BCAP29: variants seen among roughly 807,000 people sequenced by gnomAD.
BCAP29 encodes B cell receptor associated protein 29, also known as B-cell receptor-associated protein 29.
BCAP29 carries 34 observed loss-of-function variants against 31.8 expected under a neutral mutation model. The ratio of observed to expected loss-of-function variants is 1.07; its 90% confidence interval spans 0.81 to 1.42. The LOEUF is 1.42. Ranked by LOEUF, BCAP29 falls within the 40% of genes most tolerant of loss-of-function variation. The pLI is 0.00. For missense variants in BCAP29, 314 were observed against 269.2 expected (o/e 1.17, Z -1.16); for synonymous variants, 104 against 91.3 (o/e 1.14, Z -0.79).
intron 7 of BCAP29, chr7:107,615,948 A>G (rs1814053116): frequency 6.6e-6 from 1 of 152,470 alleles, no homozygotes. Context: ...TATCGAAAGT[A>G]ACTAGAAAGT....
chr7:107,606,693 CTGTTTG>C (rs1812159765), intron 6 of BCAP29, among the ~76,000 whole-genome samples: 1 of 152,106 alleles, frequency 6.6e-6, no homozygotes, highest in Non-Finnish European at 1.5e-5. Context: ...TAGAGCGTGG[CTGTTTG>C]TTTAGAACAT....
intron 6 of BCAP29, among the ~76,000 whole-genome samples, chr7:107,613,078 T>TA (rs1813520471): frequency 6.6e-6 from 1 of 151,670 alleles, no homozygotes; most frequent in African/African-American, 2.4e-5. Context: ...TGTTAGATAA[T>TA]ATTTTGTTTC....
chr7:107,591,025 A>G (rs1318719252), intron 3 of BCAP29, among the ~76,000 whole-genome samples: 2 of 152,196 alleles, frequency 1.3e-5, no homozygotes, highest in Non-Finnish European at 2.9e-5. Context: ...TCCTTTTCTA[A>G]GTACACCAAG....
downstream of BCAP29, chr7:107,621,378 G>T: frequency 2.4e-5 from 4 of 167,452 alleles, no homozygotes; most frequent in Non-Finnish European, 5.1e-5. Flanking sequence ...TTACTTTCAC[G>T]GTGTTTCTTT....
At chr7:107,605,991 G>C (rs1332074633) in intron 6 of BCAP29, among the ~76,000 whole-genome samples, 8 of 151,996 alleles carry the variant, frequency 5.3e-5, no homozygotes, top group Non-Finnish European at 1.0e-4. Context: ...AATTTCTTTT[G>C]CTTAATGAAA....
rs1814690592 is a variant in BCAP29, at chr7:107,619,226, C to T, written c.*863C>T. 1 of 152,400 alleles carries T rather than the reference C, an allele frequency of 6.6e-6. No homozygotes were observed. The highest frequency in any genetic ancestry group is 2.4e-5 in the African/African-American group (1 of 41,400). 9.4% of individuals were successfully genotyped at this position (152,400 alleles called of 1,614,324 possible). On this transcript the variant is annotated 3_prime_UTR_variant, in exon 8 of 8. Coordinates refer to ENST00000005259, the MANE Select transcript of BCAP29 (RefSeq NM_018844.4). ...AGAGTAACTAATTATATAAATATTA[C>T]CTCAAAAATACATACACTGGTATCA... is the stretch of plus-strand genomic sequence containing the variant.
At chr7:107,605,808 T>G (rs560845150) in intron 6 of BCAP29, among the ~76,000 whole-genome samples, 4 of 152,332 alleles carry the variant, frequency 2.6e-5, no homozygotes, top group South Asian at 2.1e-4. Flanking sequence ...TCTAATGATA[T>G]CAGCTTATGG....
intron 3 of BCAP29, among the ~76,000 whole-genome samples, chr7:107,588,795 C>A (rs1045386494): frequency 6.6e-6 from 1 of 152,084 alleles, no homozygotes; most frequent in South Asian, 2.1e-4. Flanking sequence ...AAAAGGGAAC[C>A]CCAAAATCCA....
chr7:107,596,248 T>C (rs1490699577), intron 5 of BCAP29, among the ~76,000 whole-genome samples: 1 of 152,222 alleles, frequency 6.6e-6, no homozygotes, highest in East Asian at 1.9e-4. Flanking sequence ...CCATTGGACC[T>C]ATTTTCTGTG....
chr7:107,601,428 G>A (rs777709235), intron 6 of BCAP29, among the ~76,000 whole-genome samples: 7 of 152,148 alleles, frequency 4.6e-5, no homozygotes, highest in Non-Finnish European at 7.4e-5. Context: ...GAATATTTAT[G>A]TGATACAAAA....
At chr7:107,605,343 G>A (rs1811893305) in intron 6 of BCAP29, among the ~76,000 whole-genome samples, 1 of 152,168 alleles carries the variant, frequency 6.6e-6, no homozygotes, top group South Asian at 2.1e-4. Flanking sequence ...AAAACAGTTT[G>A]TTCTCAGAAG....
At chr7:107,607,797 GC>G in intron 6 of BCAP29, among the ~76,000 whole-genome samples, 1 of 151,700 alleles carries the variant, frequency 6.6e-6, no homozygotes. Flanking sequence ...ACACCACCAT[GC>G]CCAGCTAATT....
chr7:107,599,309 T>G (rs548359629), intron 5 of BCAP29, among the ~76,000 whole-genome samples: 6 of 68,690 alleles, frequency 8.7e-5, no homozygotes, highest in Admixed American at 7.3e-4. Flanking sequence ...TATATAAATT[T>G]TATATATATA....
At chr7:107,583,790 A>T in intron 2 of BCAP29, 92 bp from the exon 3 acceptor site, 1 of 540,872 alleles carries the variant, frequency 1.8e-6, no homozygotes, top group Non-Finnish European at 3.2e-6. Context: ...CACTTGCTAC[A>T]CAATTACTAA....
chr7:107,595,150 C>T (rs1463038179), intron 4 of BCAP29, among the ~76,000 whole-genome samples: 1 of 152,326 alleles, frequency 6.6e-6, no homozygotes, highest in Non-Finnish European at 1.5e-5. Context: ...CCATTAGCCT[C>T]TTTCTCAAAG....
chr7:107,593,343 T>C (rs918014221), intron 3 of BCAP29, among the ~76,000 whole-genome samples: 1 of 152,322 alleles, frequency 6.6e-6, no homozygotes, highest in South Asian at 2.1e-4. Context: ...GTGGTTCCCC[T>C]GCATCTGAGA....
downstream of BCAP29, chr7:107,621,989 A>G (rs1815017661): frequency 2.1e-6 from 1 of 485,794 alleles, no homozygotes; most frequent in Non-Finnish European, 4.3e-6. Flanking sequence ...ACTCTTTAAC[A>G]CCACTCCGTC....
At chr7:107,614,182 A>G (rs1813719540) in intron 7 of BCAP29, among the ~76,000 whole-genome samples, 1 of 152,216 alleles carries the variant, frequency 6.6e-6, no homozygotes, top group Admixed American at 6.5e-5. Context: ...TGTGGCTTTC[A>G]GTCAGGGCTT....
At chr7:107,612,763 A>T (rs1186026405) in intron 6 of BCAP29, among the ~76,000 whole-genome samples, 1 of 152,074 alleles carries the variant, frequency 6.6e-6, no homozygotes, top group Non-Finnish European at 1.5e-5. Flanking sequence ...CATCAGACAA[A>T]AACAAAGTGA....
Sources: gnomAD v4.1 joint callset for allele counts (sites outside exome capture counted in the v4.1 genomes callset) on GRCh38, gnomAD v4.1.1 for gene constraint, MANE v1.5 for transcripts, NCBI Gene and HGNC (gene_info 2026-07-23, HGNC 2026-07-21) for gene names.